The following SLC9C1 variants were observed in gnomAD, a reference collection of about 807,000 sequenced individuals.
SLC9C1 encodes solute carrier family 9 member C1, also known as sodium/hydrogen exchanger 10.
In SLC9C1, 97 loss-of-function variants were observed where a neutral mutation model predicts 140.9. The observed-to-expected ratio is 0.69, with a 90% CI of 0.58 to 0.82. The LOEUF is 0.82. SLC9C1 is among the 40% of genes least tolerant of loss of function. SLC9C1 has a pLI of 0.00. For synonymous variants in SLC9C1, 440 were observed against 442.6 expected (o/e 0.99, Z 0.07); for missense variants, 1,340 against 1,389.3 (o/e 0.96, Z 0.56).
chr3:112,270,105 T>C, intron 6 of SLC9C1, 28 bp from the exon 7 acceptor site: 4 of 1,458,810 alleles, frequency 2.7e-6, no homozygotes, highest in Middle Eastern at 1.8e-4. Context: ...AAATAAGAAA[T>C]AGTTAATAGA....
At position 112,143,490 on chromosome 3, in the gene SLC9C1, G is replaced by A. The variant is rs369859297; in HGVS notation, c.3525-2209C>T. On this transcript the variant is annotated intron_variant, in intron 28 of 28. Coordinates refer to ENST00000305815, the MANE Select transcript of SLC9C1 (RefSeq NM_183061.3). ...TTGATTTGCATTTCTCTAATGATTAGTCATGATGAGCACTTTTTCATGTTT... is the reference window on the plus strand; with the variant it reads ...TTGATTTGCATTTCTCTAATGATTAATCATGATGAGCACTTTTTCATGTTT... 5.3e-5 allele frequency among the ~76,000 whole-genome samples: 8 copies of A among 152,116 alleles called. 1 individual carries two copies. The East Asian group carries it at 1.3e-3, about 26-fold the overall frequency.
At chr3:112,203,391 T>A (rs1475183038) in intron 17 of SLC9C1, among the ~76,000 whole-genome samples, 4 of 152,098 alleles carry the variant, frequency 2.6e-5, no homozygotes, top group African/African-American at 9.7e-5. Context: ...ACTCTAGCAC[T>A]ACTTATGATC....
At chr3:112,207,525 C>A (rs1213613879) in intron 16 of SLC9C1, among the ~76,000 whole-genome samples, 2 of 152,068 alleles carry the variant, frequency 1.3e-5, no homozygotes, top group Non-Finnish European at 2.9e-5. Context: ...TTTTCCACAT[C>A]CTGAAAACAT....
chr3:112,156,726 A>C (rs1322663558), intron 26 of SLC9C1, among the ~76,000 whole-genome samples: 1 of 151,998 alleles, frequency 6.6e-6, no homozygotes, highest in Non-Finnish European at 1.5e-5. Context: ...CATTCTAACT[A>C]AGGTGAAATG....
chr3:112,164,847 G>T (rs2077086023), intron 26 of SLC9C1, among the ~76,000 whole-genome samples: 1 of 152,144 alleles, frequency 6.6e-6, no homozygotes, highest in South Asian at 2.1e-4. Flanking sequence ...AGTTCTCCTG[G>T]ATAATATCCT....
intron 23 of SLC9C1, among the ~76,000 whole-genome samples, chr3:112,170,894 A>AACAT (rs576185422): frequency 2.0e-5 from 3 of 152,194 alleles, no homozygotes; most frequent in Non-Finnish European, 4.4e-5. Flanking sequence ...AAGTTGTTGC[A>AACAT]ACATTTTACA....
At chr3:112,283,904 A>G (rs1382609052) in intron 2 of SLC9C1, among the ~76,000 whole-genome samples, 1 of 150,844 alleles carries the variant, frequency 6.6e-6, no homozygotes, top group Non-Finnish European at 1.5e-5. Context: ...CTTCTTTCAA[A>G]GTTTGTTGGT....
At chr3:112,164,962 T>C (rs1319952230) in intron 26 of SLC9C1, among the ~76,000 whole-genome samples, 1 of 152,188 alleles carries the variant, frequency 6.6e-6, no homozygotes, top group Non-Finnish European at 1.5e-5. Context: ...TTGGAGGCTT[T>C]ATTCATTTCT....
At chr3:112,271,681 G>A (rs1313507079) in intron 6 of SLC9C1, among the ~76,000 whole-genome samples, 1 of 151,938 alleles carries the variant, frequency 6.6e-6, no homozygotes, top group African/African-American at 2.4e-5. Context: ...ATATATGAAG[G>A]AACAAGTAGG....
In SLC9C1 at chr3:112,264,251, A is replaced by G. The variant is rs2079856217; in HGVS notation, c.971T>C (p.Phe324Ser). 2 of 1,383,602 alleles carry G rather than the reference A, an allele frequency of 1.4e-6. No individual in the cohort carries two copies. The allele number at this position is 1,383,602 out of a possible 1,614,324, so 85.7% of individuals were successfully genotyped here. A position where few individuals can be genotyped will look rare whatever the true frequency, so the allele number is the denominator to read the frequency against. ...ATTTAATGAATAGTATATATCAACA[A>G]ATTCTATATACAAATATGTATGTGC... ...IPAHTYLYIE[F>S]VDIYYSLNIY... The change falls in exon 9 of 29, where the codon TTT (phenylalanine) becomes TCT (serine). Residue 324 changes from phenylalanine to serine, a missense_variant. By Grantham distance (155) the Phe-to-Ser change is radical. Coordinates refer to ENST00000305815, the MANE Select transcript of SLC9C1 (RefSeq NM_183061.3).
chr3:112,240,873 A>T (rs571165708), intron 11 of SLC9C1, among the ~76,000 whole-genome samples: 1 of 152,220 alleles, frequency 6.6e-6, no homozygotes. Context: ...AGCCACACAC[A>T]GAAAGACAAA....
At chr3:112,290,549 G>A (rs2080649407) in intron 1 of SLC9C1, among the ~76,000 whole-genome samples, 1 of 152,078 alleles carries the variant, frequency 6.6e-6, no homozygotes, top group South Asian at 2.1e-4. Context: ...GGGTGAAGAG[G>A]TCTGTAGAAG....
At chr3:112,190,928 AACACACACACAC>A (rs56930611) in intron 20 of SLC9C1, among the ~76,000 whole-genome samples, 7 of 138,682 alleles carry the variant, frequency 5.0e-5, no homozygotes, top group Non-Finnish European at 6.3e-5. Flanking sequence ...ACTTTTTTTA[AACACACACACAC>A]ACACACACAC....
chr3:112,293,902 A>G (rs4542992), intron 1 of SLC9C1, among the ~76,000 whole-genome samples, 191 bp downstream of exon 1: 151,551 of 152,296 alleles, frequency 1, 75,405 homozygotes, highest in Middle Eastern at 1. Flanking sequence ...CAAACCGAGA[A>G]GCTAGCTGAT....
At chr3:112,201,702 C>T (rs2077910269) in intron 18 of SLC9C1, among the ~76,000 whole-genome samples, 2 of 152,006 alleles carry the variant, frequency 1.3e-5, no homozygotes, top group Admixed American at 1.3e-4. Context: ...CATTTAACCT[C>T]TCTTGGCCTC....
intron 26 of SLC9C1, among the ~76,000 whole-genome samples, chr3:112,166,049 G>C (rs2895392): frequency 0.37 from 46,979 of 126,144 alleles, 7,553 homozygotes; most frequent in East Asian, 0.58. Context: ...GAGGCTCCGT[G>C]GTCGTAGGAC....
At chr3:112,218,449 T>A (rs1187393777) in intron 14 of SLC9C1, among the ~76,000 whole-genome samples, 6 of 4,268 alleles carry the variant, frequency 1.4e-3, no homozygotes, top group Admixed American at 4.7e-3. Context: ...ATATATATTT[T>A]TTTTTTTACT....
intron 12 of SLC9C1, among the ~76,000 whole-genome samples, chr3:112,235,989 G>C (rs1576412990): frequency 6.6e-6 from 1 of 152,170 alleles, no homozygotes; most frequent in South Asian, 2.1e-4. Context: ...CTCATAAAAT[G>C]AGTTAGGGAG....
chr3:112,151,339 T>C (rs1334710545), intron 28 of SLC9C1: 1 of 518,926 alleles, frequency 1.9e-6, no homozygotes, highest in Admixed American at 1.9e-5. Flanking sequence ...TATCCTCTCT[T>C]GTGAATATCC....
Sources: allele counts gnomAD v4.1 joint callset (sites outside exome capture counted in the v4.1 genomes callset), GRCh38; gene constraint gnomAD v4.1.1; transcripts MANE v1.5; gene names NCBI Gene and HGNC (gene_info 2026-07-23, HGNC 2026-07-21).